The following GARNL3 variants were observed in gnomAD, a reference collection of about 807,000 sequenced individuals.
GARNL3 encodes the protein GTPase activating Rap/RanGAP domain like 3.
Under a neutral mutation model 125.0 loss-of-function variants are expected in GARNL3, and 63 were observed. The observed-to-expected ratio is 0.50, with a 90% CI of 0.41 to 0.62. The LOEUF is 0.62. Ranked by LOEUF, GARNL3 falls within the 20% of genes least tolerant of loss-of-function variation. The pLI, the probability that GARNL3 is intolerant of heterozygous loss-of-function variation, is 0.00. For synonymous variants in GARNL3, 439 were observed against 457.5 expected (o/e 0.96, Z 0.52); for missense variants, 994 against 1,244.0 (o/e 0.80, Z 3.02).
At chr9:127,347,625 G>A (rs1053599593) in intron 16 of GARNL3, among the ~76,000 whole-genome samples, 1 of 152,122 alleles carries the variant, frequency 6.6e-6, no homozygotes, top group Non-Finnish European at 1.5e-5. Context: ...TGGTTGTTCT[G>A]TTGGTGTTAC....
rs183976205 is a variant in GARNL3, at chr9:127,250,456, G to C, written c.143+7207G>C. Reference sequence around the variant, plus strand: ...GAGATGACTCTGAACTTTGTAGCTTGAGTGACTGGCAAGAGGGCAGCCCCT... The same window carrying C: ...GAGATGACTCTGAACTTTGTAGCTTCAGTGACTGGCAAGAGGGCAGCCCCT... On this transcript the variant is annotated intron_variant, in intron 2 of 10. Transcript: ENST00000439286. 4.5e-4 allele frequency among the ~76,000 whole-genome samples: 68 copies of C among 152,348 alleles called. 1 individual carries two copies. Among genetic ancestry groups the C allele is most frequent in the Admixed American group, 3.4e-3 (52 of 15,310 alleles).
intron 1 of GARNL3, chr9:127,225,293 G>C: frequency 1.0e-6 from 1 of 971,476 alleles, no homozygotes; most frequent in Non-Finnish European, 1.2e-6. Flanking sequence ...GCCCGAGCCC[G>C]CGGCCCCCGC....
chr9:127,307,445 G>A (rs912159455), intron 2 of GARNL3, among the ~76,000 whole-genome samples: 1 of 152,206 alleles, frequency 6.6e-6, no homozygotes, highest in African/African-American at 2.4e-5. Flanking sequence ...ACGTCCTGAT[G>A]ACAGCTTAGG....
In GARNL3 at chr9:127,284,688, ATTG is replaced by A. The variant is rs372826319; in HGVS notation, c.145-6474_145-6472del. On this transcript the variant is annotated intron_variant, in intron 1 of 27. Coordinates refer to ENST00000373387, the MANE Select transcript of GARNL3 (RefSeq NM_032293.5). Reference sequence around the variant, plus strand: ...ATGTGTTTTCATATGTACTGTTCTTATTGTTGTTCACATCTGAATAGTATCTAA... The same window carrying A: ...ATGTGTTTTCATATGTACTGTTCTTATTGTTCACATCTGAATAGTATCTAA... Among the ~76,000 whole-genome samples, 77 of 151,912 alleles carry A rather than the reference ATTG, an allele frequency of 5.1e-4. 3 individuals are homozygous for A. In the South Asian group the frequency reaches 0.016, roughly 32 times the overall value.
At chr9:127,344,377 A>G (rs937271845) in intron 15 of GARNL3, 38 bp downstream of exon 15, 1 of 1,375,278 alleles carries the variant, frequency 7.3e-7, no homozygotes, top group African/African-American at 1.4e-5. Flanking sequence ...CGAGACATGT[A>G]GTTTTGAGTT....
chr9:127,276,379 C>CA (rs138281122), intron 1 of GARNL3, among the ~76,000 whole-genome samples: 1,778 of 149,366 alleles, frequency 0.012, 33 homozygotes, highest in East Asian at 0.085. Flanking sequence ...ACCTTCTCAG[C>CA]ATTTTTTTTT....
intron 2 of GARNL3, among the ~76,000 whole-genome samples, chr9:127,303,620 C>T (rs189353706): frequency 2.0e-5 from 3 of 152,134 alleles, no homozygotes; most frequent in East Asian, 1.9e-4. Flanking sequence ...GTAAAATCAG[C>T]GTAACTGCAT....
Position 127,371,670 on chromosome 9 carries a change from GT to G in GARNL3, c.2161+6309del, listed in dbSNP as rs139187690. Among the ~76,000 whole-genome samples, 177 of 152,278 alleles carry G rather than the reference GT, an allele frequency of 1.2e-3. 1 individual carries two copies. The highest frequency in any genetic ancestry group is 9.5e-3 in the East Asian group (49 of 5,180). On this transcript the variant is annotated intron_variant, in intron 22 of 27. Coordinates refer to ENST00000373387, the MANE Select transcript of GARNL3 (RefSeq NM_032293.5). ...TTTATTCAAGATTTTCAATGTCATA[GT>G]TTTTGGTTTCATAATGACAAATATA... is the stretch of plus-strand genomic sequence containing the variant.
rs2065151242 is a variant in GARNL3, at chr9:127,313,520, A to G, written c.399A>G (p.Gln133=). 1 of 1,613,936 alleles carries G rather than the reference A, an allele frequency of 6.2e-7. No individual in the cohort carries two copies. Among genetic ancestry groups the G allele is most frequent in the Non-Finnish European group, 8.5e-7 (1 of 1,179,836 alleles). Residue 133 remains glutamine (Q), a synonymous_variant, in exon 4 of 28, where the codon CAA becomes CAG. Transcript: ENST00000373387. ...LSVTLSDQNN[Q]RVPQYRAILW... ...TGACCCTTTCTGACCAAAACAATCAACGTGTCCCTCAATACCGTGCAATTC... is the reference window on the plus strand; with the variant it reads ...TGACCCTTTCTGACCAAAACAATCAGCGTGTCCCTCAATACCGTGCAATTC...
rs117882216 is a variant in GARNL3 at position 127,281,596 on chromosome 9, G to A, written c.145-9572G>A. 6.4e-4 allele frequency among the ~76,000 whole-genome samples: 97 copies of A among 152,156 alleles called. No homozygotes were observed. The East Asian group carries it at 0.017, about 27-fold the overall frequency. ...ATCAAGGTGAGGAGTGGGAGGAGGA[G>A]AAAAAAACCTACCCCTTCCCCCTAC... On this transcript the variant is annotated intron_variant, in intron 1 of 27. Coordinates refer to ENST00000373387, the MANE Select transcript of GARNL3 (RefSeq NM_032293.5).
intron 25 of GARNL3, chr9:127,388,367 G>C (rs978382492): frequency 6.5e-6 from 1 of 153,912 alleles, no homozygotes; most frequent in Non-Finnish European, 1.4e-5. Flanking sequence ...AAAGGCTATA[G>C]AGTTTCCAAC....
intron 2 of GARNL3, among the ~76,000 whole-genome samples, chr9:127,295,617 A>ACATTC (rs1254891701): frequency 6.6e-6 from 1 of 152,158 alleles, no homozygotes; most frequent in Non-Finnish European, 1.5e-5. Context: ...CAGATTACCT[A>ACATTC]CATTCCACAT....
intron 4 of GARNL3, among the ~76,000 whole-genome samples, chr9:127,317,424 G>C (rs991326644): frequency 6.6e-6 from 1 of 152,106 alleles, no homozygotes; most frequent in Non-Finnish European, 1.5e-5. Flanking sequence ...TTGATGCTTG[G>C]CTCAGAGACC....
intron 2 of GARNL3, among the ~76,000 whole-genome samples, chr9:127,246,593 G>T (rs763622733): frequency 1.3e-5 from 2 of 152,182 alleles, no homozygotes; most frequent in Non-Finnish European, 2.9e-5. Flanking sequence ...ATCACCTGAG[G>T]TCAGGAGTTT....
intron 2 of GARNL3, among the ~76,000 whole-genome samples, chr9:127,310,403 T>C (rs1477956022): frequency 6.6e-6 from 1 of 151,990 alleles, no homozygotes; most frequent in Non-Finnish European, 1.5e-5. Context: ...AATACAATAA[T>C]CAGAAAACTG....
rs1174578416 is a variant in GARNL3, at chr9:127,364,181, G to A, written c.2095-1119G>A. The A allele has an allele frequency of 6.6e-6, 1 of 152,258 alleles. No individual in the cohort carries two copies. Among genetic ancestry groups the A allele is most frequent in the Admixed American group, 6.5e-5 (1 of 15,282 alleles). 9.4% of individuals were successfully genotyped at this position (152,258 alleles called of 1,614,324 possible). ...TGAGAACAAACGACATAGTCTAGGG[G>A]CTGCAGCCCTGGGGAGAATGTGTGC... is the stretch of plus-strand genomic sequence containing the variant. On this transcript the variant is annotated intron_variant, in intron 21 of 27. Transcript: ENST00000373387. The surrounding 1 kb of genome is among the most constrained non-coding windows in gnomAD (Gnocchi z 4.2).
intron 22 of GARNL3, among the ~76,000 whole-genome samples, chr9:127,376,498 A>G (rs555922151): frequency 6.1e-4 from 93 of 152,296 alleles, no homozygotes; most frequent in African/African-American, 1.3e-3. Context: ...GATTACAGGC[A>G]TGAGTCACCG....
rs141117147 is a variant in GARNL3 at position 127,318,938 on chromosome 9, T to C, written c.503+811T>C. On this transcript the variant is annotated intron_variant, in intron 5 of 27. Transcript: ENST00000373387. ...AGGGATCTGACAAAGATCTCACAGC[T>C]GGTAAATCACGGAGCTGGAGTCCAT... is the stretch of plus-strand genomic sequence containing the variant. Among the ~76,000 whole-genome samples the C allele has an allele frequency of 6.2e-3, 942 of 152,326 alleles. 6 individuals carry two copies. Among genetic ancestry groups the C allele is most frequent in the Non-Finnish European group, 8.1e-3 (549 of 68,032 alleles).
chr9:127,320,294 G>C (rs1588848104), intron 5 of GARNL3, among the ~76,000 whole-genome samples: 1 of 152,188 alleles, frequency 6.6e-6, no homozygotes, highest in Non-Finnish European at 1.5e-5. Flanking sequence ...CAATCTCCTT[G>C]TTTTACCTCT....
Sources: gnomAD v4.1 joint callset for allele counts (sites outside exome capture counted in the v4.1 genomes callset) on GRCh38, gnomAD v4.1.1 for gene constraint, Gnocchi (gnomAD v3.1) non-coding constraint, MANE v1.5 for transcripts, NCBI Gene and HGNC (gene_info 2026-07-23, HGNC 2026-07-21) for gene names.